The following LTBP1 variants were observed in gnomAD, a reference collection of about 807,000 sequenced individuals.
LTBP1 encodes latent-transforming growth factor beta-binding protein 1.
Under a neutral mutation model 207.6 loss-of-function variants are expected in LTBP1, and 129 were observed. The observed-to-expected ratio is 0.62, with a 90% confidence interval of 0.54 to 0.72. LTBP1 has a LOEUF of 0.72. Ranked by LOEUF, LTBP1 falls within the 30% of genes least tolerant of loss-of-function variation. The pLI, the probability that LTBP1 is intolerant of heterozygous loss-of-function variation, is 0.00. For missense variants in LTBP1, 2,281 were observed against 2,217.2 expected (o/e 1.03, Z -0.58); for synonymous variants, 963 against 833.7 (o/e 1.16, Z -2.67).
At chr2:33,187,474 A>G (rs1416183144) in intron 6 of LTBP1, among the ~76,000 whole-genome samples, 1 of 151,966 alleles carries the variant, frequency 6.6e-6, no homozygotes, top group Non-Finnish European at 1.5e-5. Context: ...TTCACAATTG[A>G]AGAATGCTTG....
intron 2 of LTBP1, among the ~76,000 whole-genome samples, chr2:32,972,788 T>C (rs1050318743): frequency 6.6e-6 from 1 of 152,196 alleles, no homozygotes; most frequent in African/African-American, 2.4e-5. Flanking sequence ...CCATGTAAGA[T>C]GTGCCTTGCT....
At chr2:33,116,517 AG>A (rs1333841159) in intron 4 of LTBP1, among the ~76,000 whole-genome samples, 2 of 152,218 alleles carry the variant, frequency 1.3e-5, no homozygotes, top group East Asian at 3.8e-4. Flanking sequence ...GGGGAGAAAG[AG>A]AGAGAGAAAT....
intron 5 of LTBP1, among the ~76,000 whole-genome samples, chr2:33,146,828 G>A (rs1428782018): frequency 1.3e-5 from 2 of 152,212 alleles, no homozygotes; most frequent in Non-Finnish European, 2.9e-5. Context: ...TCGCCCCCAT[G>A]ATCCAATCAC....
chr2:33,170,853 G>A (rs1161625992), intron 5 of LTBP1, among the ~76,000 whole-genome samples: 3 of 151,942 alleles, frequency 2.0e-5, no homozygotes, highest in East Asian at 1.9e-4. Flanking sequence ...CGCGGTTCAC[G>A]AAAATCTGCT....
At position 33,061,883 on chromosome 2, in the gene LTBP1, A is replaced by G. The variant is rs148085573; in HGVS notation, c.863+40677A>G. Among the ~76,000 whole-genome samples the G allele has an allele frequency of 4.9e-3, 745 of 152,258 alleles. 1 individual carries two copies. Among genetic ancestry groups the G allele is most frequent in the African/African-American group, 0.014 (565 of 41,546 alleles). On this transcript the variant is annotated intron_variant, in intron 3 of 33. Transcript: ENST00000404816. ...GGTTAGCTTTATAAGAAACTCTCAG[A>G]TGTTTTTTCCAAAGCGGTTTATCAT...
chr2:33,240,989 A>C (rs1444495676), intron 9 of LTBP1, among the ~76,000 whole-genome samples: 1 of 152,356 alleles, frequency 6.6e-6, no homozygotes, highest in Admixed American at 6.5e-5. Context: ...TGGTTACACC[A>C]CAAGTAGATA....
At chr2:33,237,974 C>A (rs1414339126) in intron 9 of LTBP1, among the ~76,000 whole-genome samples, 1 of 152,088 alleles carries the variant, frequency 6.6e-6, no homozygotes, top group Non-Finnish European at 1.5e-5. Flanking sequence ...CTGTGTGTAC[C>A]CTATAGAATA....
chr2:33,293,068 G>T lies in LTBP1; in HGVS notation c.3113-92G>T, dbSNP rs909709326. On this transcript the variant is annotated intron_variant, in intron 19 of 33. Transcript: ENST00000404816. ...TAAGAATCTGCCTGGTCTTCTGAAG[G>T]TCTACTGTTTCCATTTCTAACCAAA... 4 of 1,314,216 alleles carry T rather than the reference G, an allele frequency of 3.0e-6. No individual in the cohort carries two copies. The South Asian group carries it at 5.8e-5, about 19-fold the overall frequency. The allele number at this position is 1,314,216 out of a possible 1,614,324, so 81.4% of individuals were successfully genotyped here. A position where few individuals can be genotyped will look rare whatever the true frequency, so the allele number is the denominator to read the frequency against.
intron 2 of LTBP1, among the ~76,000 whole-genome samples, chr2:32,965,049 A>G (rs1485907648): frequency 6.6e-6 from 1 of 152,016 alleles, no homozygotes; most frequent in Non-Finnish European, 1.5e-5. Flanking sequence ...TAAAAAAAAC[A>G]AAAAACAAAA....
chr2:32,964,818 G>A (rs539639825), intron 2 of LTBP1, among the ~76,000 whole-genome samples: 7 of 151,980 alleles, frequency 4.6e-5, no homozygotes, highest in Non-Finnish European at 8.8e-5. Flanking sequence ...TGAGGCGGGC[G>A]GATCATGAGG....
chr2:33,158,803 C>A (rs1311477987), intron 5 of LTBP1, among the ~76,000 whole-genome samples: 1 of 152,228 alleles, frequency 6.6e-6, no homozygotes, highest in Non-Finnish European at 1.5e-5. Flanking sequence ...ACTCCTCTCC[C>A]TTTTCCCCTA....
In LTBP1 at chr2:33,363,459, G is replaced by A; in HGVS notation, c.4340G>A (p.Gly1447Glu). The part of the protein sequence containing the change: ...KNGFCLNTRP[G>E]YECYCKQGTY... ...GGTTTCTGTTTGAACACTCGGCCTG[G>A]GTATGAATGCTACTGTAAGCAAGGG... The change falls in exon 29 of 34, where the codon GGG (glycine) becomes GAG (glutamate). Residue 1447 changes from glycine (G) to glutamate (E), a missense_variant. Physicochemically the swap from Gly to Glu is moderately conservative, Grantham distance 98. Transcript: ENST00000404816. The A allele has an allele frequency of 1.9e-6, 3 of 1,613,858 alleles. No homozygotes were observed. Among genetic ancestry groups the A allele is most frequent in the Non-Finnish European group, 8.5e-7 (1 of 1,179,850 alleles).
intron 3 of LTBP1, among the ~76,000 whole-genome samples, chr2:33,107,444 G>A (rs973595680): frequency 2.0e-5 from 3 of 151,896 alleles, no homozygotes; most frequent in Non-Finnish European, 2.9e-5. Flanking sequence ...TATTTATTAA[G>A]CTGTGTAGAA....
chr2:32,979,139 A>G (rs1249867284), intron 2 of LTBP1, among the ~76,000 whole-genome samples: 1 of 150,776 alleles, frequency 6.6e-6, no homozygotes, highest in East Asian at 1.9e-4. Context: ...TTTTCAAGAA[A>G]CCAACTTTTC....
At chr2:33,082,891 G>A (rs1281227664) in intron 3 of LTBP1, among the ~76,000 whole-genome samples, 1 of 151,988 alleles carries the variant, frequency 6.6e-6, no homozygotes, top group Non-Finnish European at 1.5e-5. Context: ...GTCCTCACTG[G>A]GTGGGCATCT....
intron 3 of LTBP1, among the ~76,000 whole-genome samples, chr2:33,032,977 C>T (rs916107160): frequency 3.9e-5 from 6 of 152,138 alleles, no homozygotes; most frequent in African/African-American, 1.2e-4. Flanking sequence ...AGGATTTGAT[C>T]AAGCTCAGCT....
intron 21 of LTBP1, among the ~76,000 whole-genome samples, chr2:33,300,838 A>G (rs1431732771): frequency 3.3e-5 from 5 of 152,216 alleles, no homozygotes; most frequent in Admixed American, 3.3e-4. Flanking sequence ...GTAATTCTTT[A>G]CTACAGAAGG....
intron 15 of LTBP1, among the ~76,000 whole-genome samples, chr2:33,271,655 A>G (rs1489647531): frequency 1.3e-5 from 2 of 152,210 alleles, no homozygotes; most frequent in Admixed American, 6.5e-5. Flanking sequence ...AAGTACCAAA[A>G]AAAATGAAGA....
chr2:33,136,320 C>T (rs545068932), intron 5 of LTBP1, among the ~76,000 whole-genome samples: 5 of 152,142 alleles, frequency 3.3e-5, no homozygotes, highest in Admixed American at 6.5e-5. Flanking sequence ...ATTCTGGTCC[C>T]GGTCCTGCCA....
Sources: gnomAD v4.1 joint callset for allele counts (sites outside exome capture counted in the v4.1 genomes callset) on GRCh38, gnomAD v4.1.1 for gene constraint, MANE v1.5 for transcripts, NCBI Gene and HGNC (gene_info 2026-07-23, HGNC 2026-07-21) for gene names.